The following PDE2A variants were observed in gnomAD, a reference collection of about 807,000 sequenced individuals.
The protein encoded by PDE2A is cGMP-dependent 3',5'-cyclic phosphodiesterase.
Under a neutral mutation model 133.6 loss-of-function variants are expected in PDE2A, and 53 were observed. The observed-to-expected ratio is 0.40, with a 90% CI of 0.32 to 0.50. PDE2A has a LOEUF of 0.50. Ranked by LOEUF, PDE2A falls within the 20% of genes least tolerant of loss-of-function variation. PDE2A has a pLI of 0.73. For missense variants in PDE2A, 796 were observed against 1,232.4 expected, an observed-to-expected ratio of 0.65 and a Z score of 5.30; for synonymous variants, 491 against 490.2, an observed-to-expected ratio of 1.00 and a Z score of -0.02.
Position 72,616,188 on chromosome 11 carries a change from T to C in PDE2A, c.145-7437A>G, listed in dbSNP as rs145066127. Reference sequence around the variant, plus strand: ...CAGGAAATGATGGCCAAAGGAATAATTGAATGGGTGGATGGATGAATGACG... The same window carrying C: ...CAGGAAATGATGGCCAAAGGAATAACTGAATGGGTGGATGGATGAATGACG... On this transcript the variant is annotated intron_variant, in intron 2 of 30. Coordinates refer to ENST00000334456, the MANE Select transcript of PDE2A (RefSeq NM_002599.5). 2.4e-4 allele frequency among the ~76,000 whole-genome samples: 36 copies of C among 152,238 alleles called. No individual in the cohort carries two copies. The East Asian group carries it at 6.2e-3, about 26-fold the overall frequency.
chr11:72,668,176 C>T (rs1487239395), intron 1 of PDE2A: 1 of 708,080 alleles, frequency 1.4e-6, no homozygotes, highest in African/African-American at 1.8e-5. Flanking sequence ...AGATGTCTCA[C>T]ATCCAACTTT....
intron 1 of PDE2A, among the ~76,000 whole-genome samples, chr11:72,656,192 A>G (rs1440148037): frequency 6.6e-6 from 1 of 152,170 alleles, no homozygotes; most frequent in African/African-American, 2.4e-5. Context: ...TGAGGGCCAG[A>G]CGCTAGGCCC....
intron 1 of PDE2A, among the ~76,000 whole-genome samples, chr11:72,648,009 A>C (rs1859175537): frequency 1.3e-5 from 2 of 152,186 alleles, no homozygotes; most frequent in African/African-American, 4.8e-5. Context: ...TCACACATGC[A>C]GGTATATGTG....
At chr11:72,649,028 T>C (rs961815291) in intron 1 of PDE2A, among the ~76,000 whole-genome samples, 12 of 152,256 alleles carry the variant, frequency 7.9e-5, no homozygotes, top group Non-Finnish European at 1.8e-4. Flanking sequence ...CCCCCACCCA[T>C]ATGGCTTCCT....
intron 1 of PDE2A, among the ~76,000 whole-genome samples, chr11:72,660,791 A>C (rs1855031537): frequency 6.6e-6 from 1 of 152,090 alleles, no homozygotes; most frequent in East Asian, 1.9e-4. Context: ...GGCCTTGAAT[A>C]ACAAGGATTT....
At chr11:72,604,275 A>T (rs558778476) in intron 4 of PDE2A, among the ~76,000 whole-genome samples, 1 of 152,184 alleles carries the variant, frequency 6.6e-6, no homozygotes, top group African/African-American at 2.4e-5. Context: ...CTTTCCCCTA[A>T]ACAGCCAGGA....
At position 72,603,804 on chromosome 11, in the gene PDE2A, C is replaced by T. The variant is rs146543271; in HGVS notation, c.323+1334G>A. Among the ~76,000 whole-genome samples, 39 of 152,228 alleles carry T rather than the reference C, an allele frequency of 2.6e-4. No homozygotes were observed. The East Asian group carries it at 4.4e-3, about 17-fold the overall frequency. On this transcript the variant is annotated intron_variant, in intron 4 of 30. Transcript: ENST00000334456. ...AGTTGTTAGGGGAAGGTGAAAGGAG[C>T]TCAGTGGGAGAATAGGAAATGGGAA...
chr11:72,586,656 C>A (rs1855987798), intron 13 of PDE2A, among the ~76,000 whole-genome samples: 1 of 152,334 alleles, frequency 6.6e-6, no homozygotes, highest in South Asian at 2.1e-4. Context: ...TTGCCCTGCT[C>A]ATGGAGCTAG....
At chr11:72,600,620 T>C (rs1781862785) in intron 4 of PDE2A, among the ~76,000 whole-genome samples, 1 of 152,120 alleles carries the variant, frequency 6.6e-6, no homozygotes. Context: ...AGCGGGAGCT[T>C]CGTCCACTGC....
At chr11:72,625,903 C>T (rs1170437805) in intron 2 of PDE2A, among the ~76,000 whole-genome samples, 4 of 152,182 alleles carry the variant, frequency 2.6e-5, no homozygotes, top group African/African-American at 9.6e-5. Flanking sequence ...TCCCGGGAAA[C>T]GGAACTTGTT....
At chr11:72,584,484 C>G in intron 18 of PDE2A, 67 bp downstream of exon 18, 1 of 1,511,480 alleles carries the variant, frequency 6.6e-7, no homozygotes. Flanking sequence ...GTGTTGCCAC[C>G]CCCGCTCGCT....
chr11:72,601,708 A>T (rs538494655), intron 4 of PDE2A, among the ~76,000 whole-genome samples: 1 of 152,266 alleles, frequency 6.6e-6, no homozygotes, highest in Non-Finnish European at 1.5e-5. Flanking sequence ...GGCCTGAAAC[A>T]GTCTGGGAGA....
At chr11:72,585,035 G>T in intron 16 of PDE2A, 91 bp from the exon 17 acceptor site, 1 of 1,286,164 alleles carries the variant, frequency 7.8e-7, no homozygotes, top group African/African-American at 1.5e-5. Context: ...GGATTTCCGA[G>T]GCCTGGGAGG....
chr11:72,662,374 C>G (rs929950070), intron 1 of PDE2A, among the ~76,000 whole-genome samples: 15 of 152,188 alleles, frequency 9.9e-5, no homozygotes, highest in Admixed American at 6.5e-4. Context: ...ACTCGCCTCC[C>G]AGGGAGGCCC....
chr11:72,636,827 G>A (rs168174), intron 2 of PDE2A, among the ~76,000 whole-genome samples: 2,606 of 152,236 alleles, frequency 0.017, 75 homozygotes, highest in African/African-American at 0.06. Flanking sequence ...CATGGTCCAG[G>A]GAGCTATTGA....
Position 72,590,854 on chromosome 11 carries a change from TTC to T in PDE2A, c.550-276_550-275del. ...ATTCTTCCAAGACAAGATGTCAGAT[TTC>T]TGTCTCCAGCCCCCTCAGGAAGTCG... On this transcript the variant is annotated intron_variant, in intron 7 of 30. Transcript: ENST00000334456. This position sits in a 1 kb window ranked among gnomAD's most constrained non-coding sequence, Gnocchi z 4.8. 2.5e-6 allele frequency: 1 copy of T among 403,996 alleles called. No homozygotes were observed. The highest frequency in any genetic ancestry group is 4.3e-6 in the Non-Finnish European group (1 of 230,394). 25.0% of individuals were successfully genotyped at this position (403,996 alleles called of 1,614,324 possible).
At chr11:72,668,037 T>C in intron 1 of PDE2A, among the ~76,000 whole-genome samples, 1 of 152,196 alleles carries the variant, frequency 6.6e-6, no homozygotes, top group East Asian at 1.9e-4. Flanking sequence ...CAGCCTAAGC[T>C]GCAAGACCAA....
chr11:72,602,350 C>T (rs1856791032), intron 4 of PDE2A, among the ~76,000 whole-genome samples: 1 of 152,208 alleles, frequency 6.6e-6, no homozygotes, highest in African/African-American at 2.4e-5. Context: ...GCCCTGATCC[C>T]ATTCCCTGCC....
intron 2 of PDE2A, among the ~76,000 whole-genome samples, chr11:72,611,215 G>A (rs1305242070): frequency 6.6e-6 from 1 of 152,180 alleles, no homozygotes; most frequent in Non-Finnish European, 1.5e-5. Context: ...CAAAGCCACA[G>A]CCTTCAGAGA....
Sources: allele counts gnomAD v4.1 joint callset (sites outside exome capture counted in the v4.1 genomes callset), GRCh38; gene constraint gnomAD v4.1.1; non-coding constraint Gnocchi (gnomAD v3.1); transcripts MANE v1.5; gene names NCBI Gene and HGNC (gene_info 2026-07-23, HGNC 2026-07-21).